The following CFAP47 variants were observed in gnomAD, a reference collection of about 807,000 sequenced individuals.
CFAP47 encodes cilia- and flagella-associated protein 47.
CFAP47 carries 29 observed loss-of-function variants against 148.1 expected under a neutral mutation model. That is an observed-to-expected ratio of 0.20 (90% CI 0.15 to 0.27). The LOEUF is 0.27. Ranked by LOEUF, CFAP47 falls within the 10% of genes least tolerant of loss-of-function variation. The pLI is 1.00. For missense variants in CFAP47, 1,872 were observed against 1,697.5 expected (o/e 1.10, Z -1.81); for synonymous variants, 664 against 577.3 (o/e 1.15, Z -2.15).
At chrX:36,145,674 A>T (rs1939222937) in intron 36 of CFAP47, among the ~76,000 whole-genome samples, 1 of 110,839 alleles carries the variant, frequency 9.0e-6, no homozygotes, top group Non-Finnish European at 1.9e-5. Context: ...TCCTTTTTTC[A>T]GGCTCTTTTA....
chrX:36,319,144 C>T, intron 56 of CFAP47, 65 bp from the exon 57 acceptor site: 1 of 525,581 alleles, frequency 1.9e-6, no homozygotes, highest in Non-Finnish European at 3.0e-6. Flanking sequence ...CTATTTCCAT[C>T]TCCACCGCTG....
At position 36,353,179 on chromosome X, in the gene CFAP47, A is replaced by C. The variant is rs782745479; in HGVS notation, c.8699-350A>C. On this transcript the variant is annotated intron_variant, in intron 59 of 63. Coordinates refer to ENST00000378653, the MANE Select transcript of CFAP47 (RefSeq NM_001304548.2). Reference sequence around the variant, plus strand: ...TGAACATATATTTCAAAAGGGGAAAAATTCATGCATTTACAATTGCCCCTT... The same window carrying C: ...TGAACATATATTTCAAAAGGGGAAACATTCATGCATTTACAATTGCCCCTT... Among the ~76,000 whole-genome samples the C allele has an allele frequency of 2.7e-5, 3 of 110,725 alleles. No homozygotes were observed. In the East Asian group the frequency reaches 8.5e-4, roughly 31 times the overall value.
At chrX:36,250,952 G>T (rs1484028446) in intron 48 of CFAP47, among the ~76,000 whole-genome samples, 3 of 110,837 alleles carry the variant, frequency 2.7e-5, no homozygotes, top group Non-Finnish European at 5.7e-5. Context: ...TATTGATGTA[G>T]AAATTTATTG....
At chrX:36,063,842 C>G (rs1054443490) in intron 26 of CFAP47, among the ~76,000 whole-genome samples, 1 of 111,761 alleles carries the variant, frequency 8.9e-6, no homozygotes, top group Non-Finnish European at 1.9e-5. Flanking sequence ...ACATTTAAAT[C>G]AAAATCTCAA....
intron 39 of CFAP47, among the ~76,000 whole-genome samples, chrX:36,162,211 G>A (rs957657031): frequency 1.8e-5 from 2 of 111,698 alleles, no homozygotes; most frequent in African/African-American, 6.5e-5. Context: ...AGGGGTTTGT[G>A]GTTTGATAGG....
chrX:36,005,931 C>A (rs1350523820), intron 21 of CFAP47, among the ~76,000 whole-genome samples: 2 of 110,610 alleles, frequency 1.8e-5, no homozygotes, highest in African/African-American at 3.3e-5. Flanking sequence ...CACACACACA[C>A]AATTTCAACA....
chrX:36,138,104 T>C (rs765607304), intron 34 of CFAP47, 49 bp downstream of exon 34: 1 of 606,198 alleles, frequency 1.6e-6, no homozygotes, highest in South Asian at 3.0e-5. Context: ...TAAAAAAACT[T>C]AGTGATTAAA....
intron 28 of CFAP47, among the ~76,000 whole-genome samples, chrX:36,072,675 A>C (rs753713628): frequency 2.7e-5 from 3 of 112,033 alleles, no homozygotes; most frequent in Non-Finnish European, 5.6e-5. Flanking sequence ...TATATTCTTG[A>C]AAATTACTTT....
Position 36,384,793 on chromosome X carries a change from C to T in CFAP47, c.9355-4C>T, listed in dbSNP as rs1475964868. On this transcript the variant is annotated splice_polypyrimidine_tract_variant and splice_region_variant and intron_variant, in intron 63 of 63. Transcript: ENST00000378653. ...AATGAAAATTTCTCCCTCTTTCTATCCAGACAGAAGAAATGTACTGGAAGT... is the reference window on the plus strand; with the variant it reads ...AATGAAAATTTCTCCCTCTTTCTATTCAGACAGAAGAAATGTACTGGAAGT... 16 of 1,152,553 alleles carry T rather than the reference C, an allele frequency of 1.4e-5. No individual in the cohort carries two copies. Among genetic ancestry groups the T allele is most frequent in the Non-Finnish European group, 1.7e-5 (15 of 861,000 alleles). 95.0% of individuals were successfully genotyped at this position (1,152,553 alleles called of 1,213,427 possible).
At chrX:35,924,163 A>G (rs981876124) in intron 1 of CFAP47, among the ~76,000 whole-genome samples, 1 of 101,809 alleles carries the variant, frequency 9.8e-6, no homozygotes, top group Non-Finnish European at 2.0e-5. Context: ...ACATATATGT[A>G]TATATGTACA....
intron 7 of CFAP47, 131 bp from the exon 8 acceptor site, chrX:35,955,830 T>G: frequency 2.1e-6 from 2 of 942,814 alleles, no homozygotes; most frequent in East Asian, 6.7e-5. Context: ...ACTCAATAAT[T>G]GTGTTGAATG....
chrX:36,294,487 G>A (rs1556006080), intron 51 of CFAP47, among the ~76,000 whole-genome samples: 2 of 111,218 alleles, frequency 1.8e-5, no homozygotes, highest in Non-Finnish European at 3.8e-5. Context: ...GAGGCAGGCC[G>A]ATCAGGAGGT....
At chrX:35,966,826 A>G (rs1449522093) in intron 9 of CFAP47, 72 bp downstream of exon 9, 16 of 767,225 alleles carry the variant, frequency 2.1e-5, no homozygotes, top group Non-Finnish European at 2.3e-5. Context: ...TAATATACTA[A>G]TTGCTTAATT....
intron 52 of CFAP47, among the ~76,000 whole-genome samples, chrX:36,300,126 C>T (rs903380946): frequency 6.4e-5 from 7 of 110,223 alleles, no homozygotes; most frequent in African/African-American, 1.7e-4. Flanking sequence ...ATCATTGGGG[C>T]GTGTATTTTA....
rs370973959 is a variant in CFAP47, at chrX:35,975,919, A to T, written c.2713+6A>T. On this transcript the variant is annotated splice_donor_region_variant and intron_variant, in intron 15 of 63. Transcript: ENST00000378653. ...TTCTATTTGTCCAGCTAAAGGTAACAGTTTATTGTTTGTTTGATTTAGACA... is the reference window on the plus strand; with the variant it reads ...TTCTATTTGTCCAGCTAAAGGTAACTGTTTATTGTTTGTTTGATTTAGACA... The T allele has an allele frequency of 1.6e-5, 19 of 1,205,698 alleles. No individual in the cohort carries two copies. The highest frequency in any genetic ancestry group is 2.0e-5 in the Non-Finnish European group (18 of 891,941).
intron 55 of CFAP47, among the ~76,000 whole-genome samples, chrX:36,310,354 A>G (rs1202401345): frequency 2.7e-5 from 3 of 111,075 alleles, no homozygotes; most frequent in Non-Finnish European, 5.7e-5. Context: ...GGAGATAAAT[A>G]ATATGGCATG....
intron 51 of CFAP47, among the ~76,000 whole-genome samples, chrX:36,288,999 C>CTTTTTTTTTTTTTTTTTTTTTTTTT: frequency 1.5e-5 from 1 of 66,471 alleles, no homozygotes; most frequent in Non-Finnish European, 2.8e-5. Flanking sequence ...TTCTTTCATC[C>CTTTTTTTTTTTTTTTTTTTTTTTTT]TTTTTTTTTT....
intron 3 of CFAP47, among the ~76,000 whole-genome samples, chrX:35,945,275 T>C (rs1936068479): frequency 8.9e-6 from 1 of 112,015 alleles, no homozygotes; most frequent in Admixed American, 9.5e-5. Flanking sequence ...GTTATAATTA[T>C]TATTTTTCTA....
intron 49 of CFAP47, among the ~76,000 whole-genome samples, chrX:36,265,237 A>AT (rs1261569091): frequency 5.4e-5 from 6 of 111,682 alleles, no homozygotes; most frequent in African/African-American, 1.6e-4. Context: ...AATGCTACTG[A>AT]TTTTTTTGTG....
Sources: allele counts gnomAD v4.1 joint callset (sites outside exome capture counted in the v4.1 genomes callset), GRCh38; gene constraint gnomAD v4.1.1; transcripts MANE v1.5; gene names NCBI Gene and HGNC (gene_info 2026-07-23, HGNC 2026-07-21).